Variants in SLC44A3 observed in about 807,000 individuals in gnomAD.
SLC44A3 encodes solute carrier family 44 member 3.
Under a neutral mutation model 75.4 loss-of-function variants are expected in SLC44A3, and 74 were observed. The ratio of observed to expected loss-of-function variants is 0.98; its 90% CI spans 0.81 to 1.19. The LOEUF (loss-of-function observed/expected upper bound fraction) is 1.19, where lower values mean the gene tolerates loss of function less well. SLC44A3 is among the 50% of genes most tolerant of loss of function. The probability of loss-of-function intolerance (pLI) is 0.00; values close to 1 mark genes in which losing one functional copy is unlikely to be tolerated. For synonymous variants in SLC44A3, 310 were observed against 296.9 expected, an observed-to-expected ratio of 1.04 and a Z score of -0.45; for missense variants, 700 against 778.6, an observed-to-expected ratio of 0.90 and a Z score of 1.20.
chr1:94,841,707 C>G (rs1237736137), intron 7 of SLC44A3, among the ~76,000 whole-genome samples: 1 of 152,188 alleles, frequency 6.6e-6, no homozygotes. Context: ...TCCTCCTGCT[C>G]GCATCCAGAC....
rs56016110 is a variant in SLC44A3, at chr1:94,879,214, CAA to C, written c.1482+11808_1482+11809del. On this transcript the variant is annotated intron_variant, in intron 12 of 14. Coordinates refer to ENST00000271227, the MANE Select transcript of SLC44A3 (RefSeq NM_001114106.3). ...AACTTCTACAATTTAACAACAACTA[CAA>C]AAAAAAAAAACCCGATTTTAAAATG... 6.2e-4 allele frequency among the ~76,000 whole-genome samples: 93 copies of C among 149,386 alleles called. 1 individual carries two copies. The highest frequency in any genetic ancestry group is 1.3e-3 in the Admixed American group (20 of 15,056).
chr1:94,841,639 A>G (rs1663658473), intron 7 of SLC44A3, among the ~76,000 whole-genome samples: 1 of 152,174 alleles, frequency 6.6e-6, no homozygotes, highest in Admixed American at 6.5e-5. Context: ...AGCTTGCTTA[A>G]AACATTTAGA....
intron 5 of SLC44A3, among the ~76,000 whole-genome samples, chr1:94,837,065 T>C (rs2101022502): frequency 6.6e-6 from 1 of 152,006 alleles, no homozygotes; most frequent in South Asian, 2.1e-4. Context: ...TTAAGTGAAA[T>C]AAACCAGGCA....
chr1:94,825,477 C>A (rs1661191005), intron 3 of SLC44A3, among the ~76,000 whole-genome samples: 1 of 152,038 alleles, frequency 6.6e-6, no homozygotes, highest in African/African-American at 2.4e-5. Flanking sequence ...ACTGCAGGCG[C>A]CCGCCACCAG....
intron 5 of SLC44A3, among the ~76,000 whole-genome samples, chr1:94,834,783 T>C (rs1292008269): frequency 9.2e-5 from 14 of 152,264 alleles, no homozygotes; most frequent in Non-Finnish European, 1.9e-4. Context: ...CTGCTCCCGG[T>C]GAAAGGGATA....
chr1:94,823,695 G>C (rs540835464), intron 2 of SLC44A3, among the ~76,000 whole-genome samples: 5 of 152,298 alleles, frequency 3.3e-5, no homozygotes, highest in African/African-American at 9.6e-5. Context: ...TTAATGAATA[G>C]TGTATTATAT....
At chr1:94,841,871 G>C (rs543227307) in intron 7 of SLC44A3, 129 bp from the exon 8 acceptor site, 2 of 1,270,464 alleles carry the variant, frequency 1.6e-6, no homozygotes, top group East Asian at 5.3e-5. Context: ...CCGGGTATTT[G>C]GGACCCACTG....
At chr1:94,849,727 C>T (rs1243056646) in intron 9 of SLC44A3, among the ~76,000 whole-genome samples, 4 of 152,202 alleles carry the variant, frequency 2.6e-5, no homozygotes, top group Non-Finnish European at 4.4e-5. Flanking sequence ...GTCCTCAGTA[C>T]ATAAATAGTT....
At chr1:94,849,883 T>C (rs1664979445) in intron 9 of SLC44A3, among the ~76,000 whole-genome samples, 1 of 152,162 alleles carries the variant, frequency 6.6e-6, no homozygotes, top group Non-Finnish European at 1.5e-5. Context: ...CCCCAGTAGC[T>C]GGGGCTGCAC....
chr1:94,861,417 GGA>G (rs1666555784), intron 10 of SLC44A3, among the ~76,000 whole-genome samples: 1 of 152,090 alleles, frequency 6.6e-6, no homozygotes, highest in African/African-American at 2.4e-5. Flanking sequence ...ATTATCTCAG[GGA>G]GAGAGAATTA....
At chr1:94,858,754 C>T (rs1029938141) in intron 10 of SLC44A3, among the ~76,000 whole-genome samples, 8 of 152,186 alleles carry the variant, frequency 5.3e-5, no homozygotes, top group Middle Eastern at 3.4e-3. Flanking sequence ...TGTAGCGGCA[C>T]GATCTTGGCT....
intron 12 of SLC44A3, among the ~76,000 whole-genome samples, chr1:94,884,125 C>T (rs752523830): frequency 4.6e-5 from 7 of 152,140 alleles, no homozygotes; most frequent in Non-Finnish European, 8.8e-5. Context: ...ATAGCACGAC[C>T]CTGTTCGTGG....
chr1:94,822,300 A>G (rs1433397134), intron 2 of SLC44A3, among the ~76,000 whole-genome samples: 1 of 152,250 alleles, frequency 6.6e-6, no homozygotes, highest in Non-Finnish European at 1.5e-5. Flanking sequence ...GAGAGGTGGC[A>G]CGGAGCTGGA....
At position 94,837,690 on chromosome 1, in the gene SLC44A3, TC is replaced by T; in HGVS notation, c.510-20del. 6.5e-7 allele frequency: 1 copy of T among 1,537,500 alleles called. No individual in the cohort carries two copies. Among genetic ancestry groups the T allele is most frequent in the South Asian group, 1.2e-5 (1 of 80,068 alleles). ...AAATGTTAAATAAACATTTTTGCCA[TC>T]TTTTTTTCTCTATTTTTAGCAAGTC... On this transcript the variant is annotated intron_variant, in intron 5 of 14. Transcript: ENST00000271227.
rs142259573 is a variant in SLC44A3 at position 94,895,080 on chromosome 1, G to C, written c.*158G>C. 3 of 589,864 alleles carry C rather than the reference G, an allele frequency of 5.1e-6. No individual in the cohort carries two copies. The highest frequency in any genetic ancestry group is 1.9e-5 in the African/African-American group (1 of 53,678). 36.5% of individuals were successfully genotyped at this position (589,864 alleles called of 1,614,324 possible). On this transcript the variant is annotated 3_prime_UTR_variant, in exon 15 of 15. Coordinates refer to ENST00000271227, the MANE Select transcript of SLC44A3 (RefSeq NM_001114106.3). ...TGTCTTTGTCATTATTGTTTGACCA[G>C]GTAACAATACTGGAACTATATTAGT...
chr1:94,822,041 T>G (rs1358871963), intron 2 of SLC44A3, among the ~76,000 whole-genome samples: 1 of 152,218 alleles, frequency 6.6e-6, no homozygotes, highest in African/African-American at 2.4e-5. Flanking sequence ...TACAATACCT[T>G]CTGCTTAACT....
intron 12 of SLC44A3, among the ~76,000 whole-genome samples, chr1:94,885,452 G>A (rs907445491): frequency 7.2e-5 from 11 of 152,104 alleles, no homozygotes; most frequent in African/African-American, 2.2e-4. Flanking sequence ...AAGCCGTTCC[G>A]CAAGTCTTTG....
At chr1:94,847,841 G>A (rs773811704) in intron 9 of SLC44A3, among the ~76,000 whole-genome samples, 1 of 152,184 alleles carries the variant, frequency 6.6e-6, no homozygotes, top group Non-Finnish European at 1.5e-5. Context: ...GAGGCATGAC[G>A]TGCTGTGACT....
At chr1:94,842,239 G>A (rs1571235763) in intron 8 of SLC44A3, 115 bp downstream of exon 8, 2 of 1,407,650 alleles carry the variant, frequency 1.4e-6, no homozygotes, top group South Asian at 1.5e-5. Context: ...TTTAGAATGT[G>A]CCTTCTTTGG....
Sources: allele counts gnomAD v4.1 joint callset (sites outside exome capture counted in the v4.1 genomes callset), GRCh38; gene constraint gnomAD v4.1.1; transcripts MANE v1.5; gene names NCBI Gene and HGNC (gene_info 2026-07-23, HGNC 2026-07-21).